Variants in DGKB observed in about 807,000 individuals in gnomAD.
DGKB encodes the protein 90 kDa diacylglycerol kinase.
Under a neutral mutation model 114.3 loss-of-function variants are expected in DGKB, and 67 were observed. That is an observed-to-expected ratio of 0.59 (90% CI 0.48 to 0.72). DGKB has a LOEUF of 0.72. Among genes scored for constraint, DGKB ranks in the 30% least tolerant of loss-of-function variants. The pLI, the probability that DGKB is intolerant of heterozygous loss-of-function variation, is 0.00. For synonymous variants in DGKB, 398 were observed against 323.1 expected (o/e 1.23, Z -2.49); for missense variants, 907 against 975.2 (o/e 0.93, Z 0.93).
intron 23 of DGKB, among the ~76,000 whole-genome samples, chr7:14,294,738 CA>C (rs1292255690): frequency 1.3e-5 from 2 of 152,080 alleles, no homozygotes; most frequent in Non-Finnish European, 2.9e-5. Flanking sequence ...TCTGACCACT[CA>C]AAGATTATTG....
intron 6 of DGKB, among the ~76,000 whole-genome samples, chr7:14,703,981 C>G (rs1015513648): frequency 2.0e-5 from 3 of 151,946 alleles, no homozygotes; most frequent in African/African-American, 7.3e-5. Flanking sequence ...GTGTACACAC[C>G]AATGTAACTA....
chr7:14,256,391 T>A (rs992702723), intron 23 of DGKB, among the ~76,000 whole-genome samples: 6 of 152,056 alleles, frequency 3.9e-5, no homozygotes, highest in Non-Finnish European at 7.4e-5. Flanking sequence ...TAATTTTCCC[T>A]TTAAATACCA....
intron 14 of DGKB, among the ~76,000 whole-genome samples, chr7:14,623,232 G>A (rs563783748): frequency 5.9e-4 from 90 of 152,312 alleles, no homozygotes; most frequent in African/African-American, 2.1e-3. Context: ...GGCAATGCAT[G>A]CCATGGGTGC....
intron 6 of DGKB, among the ~76,000 whole-genome samples, chr7:14,704,725 G>A (rs923868601): frequency 1.5e-4 from 23 of 152,184 alleles, no homozygotes; most frequent in African/African-American, 3.9e-4. Context: ...ACCTCACACG[G>A]CAGGGTATTC....
chr7:14,953,213 C>G (rs1028823128), intron 1 of DGKB, among the ~76,000 whole-genome samples: 7 of 151,970 alleles, frequency 4.6e-5, no homozygotes, highest in Admixed American at 1.3e-4. Context: ...GTGAACAGGA[C>G]TTCAAAATTT....
intron 23 of DGKB, among the ~76,000 whole-genome samples, chr7:14,290,786 T>A (rs970437518): frequency 2.0e-5 from 3 of 152,126 alleles, no homozygotes; most frequent in African/African-American, 2.4e-5. Context: ...TTACCACAGG[T>A]AGCAACAGGC....
intron 20 of DGKB, among the ~76,000 whole-genome samples, chr7:14,553,296 A>AT (rs1795376624): frequency 2.0e-5 from 3 of 152,150 alleles, no homozygotes; most frequent in African/African-American, 7.2e-5. Context: ...TCACTTGTTT[A>AT]TTGTGTCCCA....
At chr7:14,635,507 T>A (rs746765866) in intron 13 of DGKB, among the ~76,000 whole-genome samples, 9 of 151,396 alleles carry the variant, frequency 5.9e-5, no homozygotes, top group Admixed American at 5.9e-4. Context: ...TTCCAAAGAC[T>A]GAGCAAAGAA....
chr7:14,417,010 T>G, intron 21 of DGKB, among the ~76,000 whole-genome samples: 1 of 152,064 alleles, frequency 6.6e-6, no homozygotes, highest in Non-Finnish European at 1.5e-5. Context: ...ATTCTCACAG[T>G]TACTGTACAT....
chr7:14,278,473 A>G (rs1799358185), intron 23 of DGKB, among the ~76,000 whole-genome samples: 1 of 152,178 alleles, frequency 6.6e-6, no homozygotes, highest in African/African-American at 2.4e-5. Context: ...CCTATCTCAT[A>G]CCATGTTCAA....
intron 2 of DGKB, among the ~76,000 whole-genome samples, chr7:14,832,569 G>T (rs1007474839): frequency 6.6e-6 from 1 of 151,942 alleles, no homozygotes; most frequent in African/African-American, 2.4e-5. Flanking sequence ...AAATGATAAA[G>T]ACTCGGGATG....
chr7:14,951,944 T>C (rs768370387), intron 1 of DGKB, among the ~76,000 whole-genome samples: 2 of 152,092 alleles, frequency 1.3e-5, no homozygotes, highest in Non-Finnish European at 1.5e-5. Flanking sequence ...TGCTATAGGT[T>C]AGAGTGTCCC....
At chr7:14,679,562 T>G (rs1490562212) in intron 12 of DGKB, among the ~76,000 whole-genome samples, 2 of 152,076 alleles carry the variant, frequency 1.3e-5, no homozygotes, top group Non-Finnish European at 2.9e-5. Context: ...TCATTCTTTC[T>G]GTTTCTCTCT....
chr7:14,251,363 A>G (rs1382386611), intron 23 of DGKB, among the ~76,000 whole-genome samples: 1 of 152,166 alleles, frequency 6.6e-6, no homozygotes, highest in Non-Finnish European at 1.5e-5. Flanking sequence ...TAAAGCTGAT[A>G]ACTTTGACTA....
intron 1 of DGKB, among the ~76,000 whole-genome samples, chr7:14,902,259 AAAGACAAGC>A (rs1270946473): frequency 2.0e-5 from 3 of 152,196 alleles, no homozygotes; most frequent in Non-Finnish European, 4.4e-5. Flanking sequence ...TACATTTTGA[AAAGACAAGC>A]TGCTATCTCA....
At chr7:14,465,509 A>G (rs1833704005) in intron 21 of DGKB, among the ~76,000 whole-genome samples, 1 of 152,200 alleles carries the variant, frequency 6.6e-6, no homozygotes, top group South Asian at 2.1e-4. Flanking sequence ...ATGATCAATC[A>G]TAATTGCTAG....
At chr7:14,205,938 TTGAC>T (rs756532273) in intron 23 of DGKB, among the ~76,000 whole-genome samples, 63 of 152,024 alleles carry the variant, frequency 4.1e-4, no homozygotes, top group Non-Finnish European at 9.0e-4. Flanking sequence ...GATCAATTGA[TTGAC>T]AGGTAGATAG....
intron 20 of DGKB, among the ~76,000 whole-genome samples, chr7:14,528,334 G>A (rs1049722896): frequency 3.3e-5 from 5 of 151,980 alleles, no homozygotes; most frequent in Non-Finnish European, 5.9e-5. Context: ...ACACAGAGAC[G>A]AAATCACCCA....
chr7:14,674,254 A>C (rs796895584), intron 12 of DGKB, among the ~76,000 whole-genome samples: 11 of 152,194 alleles, frequency 7.2e-5, no homozygotes, highest in African/African-American at 2.4e-4. Flanking sequence ...GGGGCATATA[A>C]ACTTCTCTAT....
Sources: gnomAD v4.1 joint callset for allele counts (sites outside exome capture counted in the v4.1 genomes callset) on GRCh38, gnomAD v4.1.1 for gene constraint, MANE v1.5 for transcripts, NCBI Gene and HGNC (gene_info 2026-07-23, HGNC 2026-07-21) for gene names.